Variants in MED26 observed in about 807,000 individuals in gnomAD.
MED26 encodes the protein mediator of RNA polymerase II transcription subunit 26.
Under a neutral mutation model 43.7 loss-of-function variants are expected in MED26, and 7 were observed. The ratio of observed to expected loss-of-function variants is 0.16; its 90% CI spans 0.09 to 0.30. The LOEUF (loss-of-function observed/expected upper bound fraction) is 0.30. Among genes scored for constraint, MED26 ranks in the 10% least tolerant of loss-of-function variants. The pLI is 1.00. For synonymous variants in MED26, 375 were observed against 371.1 expected (o/e 1.01, Z -0.12); for missense variants, 784 against 840.6 (o/e 0.93, Z 0.83).
intron 1 of MED26, among the ~76,000 whole-genome samples, chr19:16,624,907 A>G (rs1461827946): frequency 6.6e-6 from 1 of 152,158 alleles, no homozygotes; most frequent in African/African-American, 2.4e-5. Context: ...CATCCCCAAG[A>G]AGCTTGCGTG....
Position 16,577,602 on chromosome 19 carries a change from C to A in MED26, c.228G>T (p.Leu76=), listed in dbSNP as rs766741681. Residue 76 remains leucine, a synonymous_variant, in exon 3 of 3, where the codon CTG becomes CTT. Coordinates refer to ENST00000263390, the MANE Select transcript of MED26 (RefSeq NM_004831.5). This position sits in a 1 kb window ranked among gnomAD's most constrained non-coding sequence, Gnocchi z 8.1. ...CGATGAGCTTCTGCCAGCTCCGCAG[C>A]AGCTTCTTGGCCCGCTTGGCGAGCT... ...NEELAKRAKK[L]LRSWQKLIEP... is the part of the protein sequence containing the mutation. 1.9e-6 allele frequency: 3 copies of A among 1,607,516 alleles called. No individual in the cohort carries two copies. The highest frequency in any genetic ancestry group is 2.6e-6 in the Non-Finnish European group (3 of 1,175,186).
chr19:16,628,100 C>T lies in MED26; in HGVS notation c.-157G>A. On this transcript the variant is annotated 5_prime_UTR_variant, in exon 1 of 3. Coordinates refer to ENST00000263390, the MANE Select transcript of MED26 (RefSeq NM_004831.5). ...CGCGCGGGGTGGCGGAGAGGGGAGC[C>T]GGGGCCGGGTCTCGGTCCCGGGCCG... is the stretch of plus-strand genomic sequence containing the variant. The T allele has an allele frequency of 2.6e-6, 1 of 389,784 alleles. No individual in the cohort carries two copies. The highest frequency in any genetic ancestry group is 4.5e-6 in the Non-Finnish European group (1 of 223,594). 24.1% of individuals were successfully genotyped at this position (389,784 alleles called of 1,614,324 possible). A position where few individuals can be genotyped will look rare whatever the true frequency, so the allele number is the denominator to read the frequency against.
chr19:16,582,030 G>A (rs575350250), intron 1 of MED26, among the ~76,000 whole-genome samples: 1 of 152,404 alleles, frequency 6.6e-6, no homozygotes, highest in South Asian at 2.1e-4. Context: ...CCTCCAGAGA[G>A]GAGCGCAGCT....
chr19:16,612,135 C>G (rs545089364), intron 1 of MED26: 1 of 152,190 alleles, frequency 6.6e-6, no homozygotes, highest in African/African-American at 2.4e-5. Flanking sequence ...AAAACAGCAA[C>G]CCGCTGGCTT....
At chr19:16,578,177 G>C (rs988037046) in intron 2 of MED26, 158 bp downstream of exon 2, 16 of 725,856 alleles carry the variant, frequency 2.2e-5, no homozygotes, top group Middle Eastern at 3.8e-4. Context: ...GCCCGTGGGA[G>C]AGCAAGATCG....
intron 1 of MED26, among the ~76,000 whole-genome samples, chr19:16,619,902 G>C: frequency 6.6e-6 from 1 of 152,232 alleles, no homozygotes; most frequent in Non-Finnish European, 1.5e-5. Flanking sequence ...GGGGGGATGT[G>C]TGTCCAGGAA....
At chr19:16,578,148 A>G in intron 2 of MED26, 187 bp downstream of exon 2, 1 of 634,994 alleles carries the variant, frequency 1.6e-6, no homozygotes, top group Non-Finnish European at 2.8e-6. Context: ...TGGGAGTAAC[A>G]CCACTTGGTC....
chr19:16,604,716 C>G (rs574872204), intron 1 of MED26, among the ~76,000 whole-genome samples: 1 of 152,308 alleles, frequency 6.6e-6, no homozygotes, highest in African/African-American at 2.4e-5. Flanking sequence ...TTAATAGCAC[C>G]TCATTCATCT....
chr19:16,621,422 A>G (rs1414827107), intron 1 of MED26, among the ~76,000 whole-genome samples: 2 of 152,176 alleles, frequency 1.3e-5, no homozygotes, highest in Non-Finnish European at 2.9e-5. Context: ...CAGGAGACCG[A>G]GCCTAACTCT....
intron 1 of MED26, among the ~76,000 whole-genome samples, chr19:16,594,165 G>A (rs1286659192): frequency 1.3e-5 from 2 of 152,250 alleles, no homozygotes; most frequent in Non-Finnish European, 2.9e-5. Flanking sequence ...GCAAGGCAGG[G>A]AGAGTGGAAG....
In MED26 at chr19:16,586,579, A is replaced by C. The variant is rs534958374; in HGVS notation, c.73-8170T>G. ...CTATGCCTTGTCCCCAGGATGCCTG[A>C]GAGGCAGGACCAGGGTGACCCAGGC... On this transcript the variant is annotated intron_variant, in intron 1 of 2. Coordinates refer to ENST00000263390, the MANE Select transcript of MED26 (RefSeq NM_004831.5). This position sits in a 1 kb window ranked among gnomAD's most constrained non-coding sequence, Gnocchi z 5.1. 6.6e-6 allele frequency among the ~76,000 whole-genome samples: 1 copy of C among 152,376 alleles called. No homozygotes were observed. The highest frequency in any genetic ancestry group is 1.9e-4 in the East Asian group (1 of 5,192).
intron 1 of MED26, among the ~76,000 whole-genome samples, chr19:16,609,336 A>AAAAAGAGAGAG (rs765489188): frequency 4.2e-5 from 6 of 142,372 alleles, no homozygotes; most frequent in African/African-American, 5.0e-5. Flanking sequence ...AAAAAAAAAA[A>AAAAAGAGAGAG]AGAGAGAGAA....
intron 1 of MED26, among the ~76,000 whole-genome samples, chr19:16,619,721 A>G (rs2086242876): frequency 1.3e-5 from 2 of 152,182 alleles, no homozygotes; most frequent in South Asian, 4.1e-4. Flanking sequence ...CCTGCACCAC[A>G]GAACCCCCAC....
chr19:16,623,694 C>T (rs1324223899), intron 1 of MED26, among the ~76,000 whole-genome samples: 2 of 152,132 alleles, frequency 1.3e-5, no homozygotes, highest in African/African-American at 4.8e-5. Context: ...GTTACAGGAT[C>T]CTCACACGTT....
intron 1 of MED26, among the ~76,000 whole-genome samples, chr19:16,613,974 C>T (rs1176213716): frequency 1.3e-5 from 2 of 152,116 alleles, no homozygotes; most frequent in Non-Finnish European, 2.9e-5. Flanking sequence ...AGACAACATC[C>T]CAAACTCATC....
chr19:16,595,081 C>A (rs896138096), intron 1 of MED26, among the ~76,000 whole-genome samples: 1 of 152,194 alleles, frequency 6.6e-6, no homozygotes, highest in Non-Finnish European at 1.5e-5. Context: ...CAGATCCTTC[C>A]TCCCTCACTG....
rs139417299 is a variant in MED26, at chr19:16,576,183, C to T, written c.1647G>A (p.Gln549=). 2 of 1,613,102 alleles carry T rather than the reference C, an allele frequency of 1.2e-6. No individual in the cohort carries two copies. The highest frequency in any genetic ancestry group is 2.7e-5 in the African/African-American group (2 of 74,928). ...DLPGLTREVT[Q]DDLDRIQASQ... ...TGGCCTGGATTCTGTCGAGATCGTC[C>T]TGTGTGACCTCCCGGGTCAGACCAG... The change falls in exon 3 of 3, where the codon CAG becomes CAA. Residue 549 remains glutamine (Q), a synonymous_variant. Coordinates refer to ENST00000263390, the MANE Select transcript of MED26 (RefSeq NM_004831.5). This position sits in a 1 kb window ranked among gnomAD's most constrained non-coding sequence, Gnocchi z 6.8.
intron 1 of MED26, among the ~76,000 whole-genome samples, chr19:16,625,213 C>G (rs2086268974): frequency 6.6e-6 from 1 of 152,218 alleles, no homozygotes; most frequent in Non-Finnish European, 1.5e-5. Context: ...TACTTTATTA[C>G]TGAATTGGCA....
At chr19:16,620,768 C>A (rs1480307465) in intron 1 of MED26, among the ~76,000 whole-genome samples, 3 of 152,206 alleles carry the variant, frequency 2.0e-5, no homozygotes, top group African/African-American at 4.8e-5. Context: ...TTCCAGGTGT[C>A]ACACACATAC....
Sources: allele counts gnomAD v4.1 joint callset (sites outside exome capture counted in the v4.1 genomes callset), GRCh38; gene constraint gnomAD v4.1.1; non-coding constraint Gnocchi (gnomAD v3.1); transcripts MANE v1.5; gene names NCBI Gene and HGNC (gene_info 2026-07-23, HGNC 2026-07-21).